CCNA1: variants seen among roughly 807,000 people sequenced by gnomAD.
CCNA1 encodes cyclin A1.
A neutral mutation model predicts 54.1 loss-of-function variants in CCNA1; 23 were observed. The observed-to-expected ratio is 0.42, with a 90% CI of 0.31 to 0.60. CCNA1 has a LOEUF of 0.60. CCNA1 is among the 20% of genes least tolerant of loss of function. The pLI, the probability that CCNA1 is intolerant of heterozygous loss-of-function variation, is 0.14. For synonymous variants in CCNA1, 208 were observed against 213.9 expected, an observed-to-expected ratio of 0.97 and a Z score of 0.24; for missense variants, 450 against 556.7, an observed-to-expected ratio of 0.81 and a Z score of 1.93.
chr13:36,432,525 C>T lies in CCNA1; in HGVS notation c.-97C>T. ...TTCCGGACACATAGAAAGATAACGA[C>T]GGGAAGAGCGGGGCCCGCTTTGGGG... On this transcript the variant is annotated 5_prime_UTR_variant, in exon 1 of 9. It adds an upstream start codon to the 5' untranslated region. Coordinates refer to ENST00000255465, the MANE Select transcript of CCNA1 (RefSeq NM_003914.4). 1 of 663,156 alleles carries T rather than the reference C, an allele frequency of 1.5e-6. No individual in the cohort carries two copies. Among genetic ancestry groups the T allele is most frequent in the South Asian group, 1.9e-5 (1 of 52,628 alleles). The allele number at this position is 663,156 out of a possible 1,614,324, so 41.1% of individuals were successfully genotyped here. A position where few individuals can be genotyped will look rare whatever the true frequency, so the allele number is the denominator to read the frequency against.
intron 6 of CCNA1, 55 bp from the exon 7 acceptor site, chr13:36,441,063 C>G (rs1486574304): frequency 1.1e-6 from 1 of 906,018 alleles, no homozygotes; most frequent in African/African-American, 1.7e-5. Context: ...TCCAGGCTTA[C>G]TTGTGACCTT....
upstream of CCNA1, chr13:36,432,207 C>A (rs2055717264): frequency 5.8e-6 from 1 of 171,034 alleles, no homozygotes; most frequent in East Asian, 1.8e-4. Context: ...GGAGAGCGCA[C>A]GCCTGCCGCG....
intron 5 of CCNA1, 97 bp downstream of exon 5, chr13:36,438,964 TA>T (rs776893522): frequency 3.5e-6 from 3 of 846,052 alleles, no homozygotes; most frequent in Non-Finnish European, 5.9e-6. Flanking sequence ...CAATGCTTGA[TA>T]ATTAAAACTA....
chr13:36,437,763 G>A lies in CCNA1; in HGVS notation c.432G>A (p.Gln144=). 1 of 1,614,160 alleles carries A rather than the reference G, an allele frequency of 6.2e-7. No individual in the cohort carries two copies. The highest frequency in any genetic ancestry group is 8.5e-7 in the Non-Finnish European group (1 of 1,180,020). The change falls in exon 3 of 9, where the codon CAG becomes CAA. Residue 144 remains glutamine (Q), a synonymous_variant. Coordinates refer to ENST00000255465, the MANE Select transcript of CCNA1 (RefSeq NM_003914.4). ...ACATCTACATGGATGAACTAGAGCAGGGGGACAGAGACAGCTGCTCGGTCA... is the reference window on the plus strand; with the variant it reads ...ACATCTACATGGATGAACTAGAGCAAGGGGACAGAGACAGCTGCTCGGTCA...
chr13:36,437,863 G>A lies in CCNA1; in HGVS notation c.532G>A (p.Asp178Asn). 6.2e-7 allele frequency: 1 copy of A among 1,613,578 alleles called. No individual in the cohort carries two copies. The highest frequency in any genetic ancestry group is 8.5e-7 in the Non-Finnish European group (1 of 1,179,674). Reference sequence around the variant, plus strand: ...CAAGTCAGACCTGCACTTCCTGCTGGATTTCAACACAGGTAACTGACTTGC... The same window carrying A: ...CAAGTCAGACCTGCACTTCCTGCTGAATTTCAACACAGGTAACTGACTTGC... Residue 178 changes from aspartate to asparagine, a missense_variant, in exon 3 of 9, where the codon GAT (aspartate) becomes AAT (asparagine). Asp to Asn is a conservative substitution (Grantham distance 23). Coordinates refer to ENST00000255465, the MANE Select transcript of CCNA1 (RefSeq NM_003914.4).
At chr13:36,439,315 A>T (rs1427808227) in intron 5 of CCNA1, among the ~76,000 whole-genome samples, 2 of 152,190 alleles carry the variant, frequency 1.3e-5, no homozygotes, top group Non-Finnish European at 2.9e-5. Flanking sequence ...TCATGAAAGT[A>T]CCTAATTGTG....
At chr13:36,434,358 A>G (rs2055775051) in intron 2 of CCNA1, among the ~76,000 whole-genome samples, 1 of 152,218 alleles carries the variant, frequency 6.6e-6, no homozygotes, top group African/African-American at 2.4e-5. Flanking sequence ...TATGGTAGAA[A>G]CTAGATTAGA....
chr13:36,433,696 A>T, intron 2 of CCNA1, among the ~76,000 whole-genome samples: 1 of 149,952 alleles, frequency 6.7e-6, no homozygotes. Context: ...ACCCACCACC[A>T]CGCCCGGCTA....
intron 8 of CCNA1, 151 bp downstream of exon 8, chr13:36,442,455 A>G: frequency 8.9e-7 from 1 of 1,121,674 alleles, no homozygotes; most frequent in Non-Finnish European, 1.3e-6. Context: ...ATAAATTTGA[A>G]AAGACCTAGA....
chr13:36,433,447 TTTC>T (rs2055758206), intron 2 of CCNA1, among the ~76,000 whole-genome samples: 2 of 72,210 alleles, frequency 2.8e-5, no homozygotes, highest in Non-Finnish European at 7.5e-5. Context: ...TCTTTCGTTC[TTTC>T]TTTCTTTCTT....
chr13:36,439,915 A>G (rs2055854203), intron 5 of CCNA1, 64 bp from the exon 6 acceptor site: 10 of 1,096,234 alleles, frequency 9.1e-6, no homozygotes, highest in Non-Finnish European at 1.4e-5. Flanking sequence ...GGCGTGGCTT[A>G]TGGTAGCACA....
chr13:36,438,494 A>T, intron 4 of CCNA1, 150 bp from the exon 5 acceptor site: 1 of 667,940 alleles, frequency 1.5e-6, no homozygotes, highest in Non-Finnish European at 2.5e-6. Context: ...CCAGAAATTT[A>T]CACTTTCTTC....
intron 2 of CCNA1, among the ~76,000 whole-genome samples, chr13:36,434,287 T>C (rs1249500378): frequency 1.3e-5 from 2 of 152,216 alleles, no homozygotes; most frequent in African/African-American, 4.8e-5. Context: ...CTGAAAACTA[T>C]ACCTTTCCTA....
chr13:36,442,645 G>T lies in CCNA1; in HGVS notation c.1378G>T (p.Ala460Ser). The change falls in exon 9 of 9, where the codon GCA becomes TCA. Residue 460 changes from alanine (A) to serine (S), a missense_variant. By Grantham distance (99) the Ala-to-Ser change is moderately conservative. This residue lies in a region of CCNA1 where 53 missense variants were observed against 50.1 expected (regional missense o/e 1.06). Transcript: ENST00000255465. ...GTGTGTGTCCCTCATGGAGCCACCT[G>T]CAGTTCTTCTTCTACAATAAGTTTC... The T allele has an allele frequency of 6.2e-7, 1 of 1,613,926 alleles. No individual in the cohort carries two copies. The highest frequency in any genetic ancestry group is 1.1e-5 in the South Asian group (1 of 91,022).
At chr13:36,438,001 G>A in intron 3 of CCNA1, 66 bp from the exon 4 acceptor site, 26 of 1,585,168 alleles carry the variant, frequency 1.6e-5, no homozygotes, top group Non-Finnish European at 2.2e-5. Context: ...ACTGCCTGTA[G>A]AGGGTTAGTG....
chr13:36,433,403 TTTC>T (rs1566169475), intron 2 of CCNA1, among the ~76,000 whole-genome samples, 182 bp downstream of exon 2: 5 of 110,082 alleles, frequency 4.5e-5, no homozygotes, highest in East Asian at 2.1e-4. Flanking sequence ...TCTTTCTTTC[TTTC>T]TTTCTTTCTT....
chr13:36,437,783 C>G lies in CCNA1; in HGVS notation c.452C>G (p.Ser151Trp). The G allele has an allele frequency of 6.2e-7, 1 of 1,614,132 alleles. No individual in the cohort carries two copies. Among genetic ancestry groups the G allele is most frequent in the Non-Finnish European group, 8.5e-7 (1 of 1,180,004 alleles). The stretch of plus-strand genomic sequence containing the variant: ...GAGCAGGGGGACAGAGACAGCTGCT[C>G]GGTCAGAGAGGGGATGGCATTTGAG... The change falls in exon 3 of 9, where the codon TCG becomes TGG. Residue 151 changes from serine (S) to tryptophan (W), a missense_variant. This residue lies in a region of CCNA1 where 103 missense variants were observed against 92.9 expected (regional missense o/e 1.11). Coordinates refer to ENST00000255465, the MANE Select transcript of CCNA1 (RefSeq NM_003914.4).
intron 7 of CCNA1, 34 bp from the exon 8 acceptor site, chr13:36,442,137 A>T: frequency 6.3e-7 from 1 of 1,587,684 alleles, no homozygotes; most frequent in Non-Finnish European, 8.6e-7. Flanking sequence ...ATATAAAGTT[A>T]TGTGAAGCAA....
At chr13:36,441,660 G>A (rs2055876290) in intron 7 of CCNA1, among the ~76,000 whole-genome samples, 1 of 152,224 alleles carries the variant, frequency 6.6e-6, no homozygotes, top group South Asian at 2.1e-4. Context: ...TGCCCAAGAA[G>A]GTGGCAACAT....
Sources: allele counts gnomAD v4.1 joint callset (sites outside exome capture counted in the v4.1 genomes callset), GRCh38; gene constraint gnomAD v4.1.1; regional missense constraint gnomAD v4.1.1; transcripts MANE v1.5; gene names NCBI Gene and HGNC (gene_info 2026-07-23, HGNC 2026-07-21).